The following CSMD1 variants were observed in gnomAD, a reference collection of about 807,000 sequenced individuals.
CSMD1 encodes CUB and sushi domain-containing protein 1.
Under a neutral mutation model 417.5 loss-of-function variants are expected in CSMD1, and 213 were observed. The observed-to-expected ratio is 0.51, with a 90% confidence interval of 0.46 to 0.57. The LOEUF is 0.57. CSMD1 is among the 20% of genes least tolerant of loss of function. The probability of loss-of-function intolerance (pLI) is 0.00; values close to 1 mark genes in which losing one functional copy is unlikely to be tolerated. For missense variants in CSMD1, 6,923 were observed against 4,529.7 expected, an observed-to-expected ratio of 1.53 and a Z score of -15.17; for synonymous variants, 2,862 against 1,736.8, an observed-to-expected ratio of 1.65 and a Z score of -16.11.
chr8:3,417,870 G>A (rs1205482576), intron 12 of CSMD1, among the ~76,000 whole-genome samples: 11 of 152,182 alleles, frequency 7.2e-5, no homozygotes, highest in Admixed American at 5.9e-4. Flanking sequence ...ACGCGGTATG[G>A]ACGTGGCACA....
At chr8:3,921,208 G>C (rs1284553061) in intron 5 of CSMD1, among the ~76,000 whole-genome samples, 1 of 151,958 alleles carries the variant, frequency 6.6e-6, no homozygotes, top group East Asian at 1.9e-4. Context: ...TCCACATTTT[G>C]CGTATATAAT....
intron 5 of CSMD1, among the ~76,000 whole-genome samples, chr8:3,974,134 G>C (rs898248865): frequency 8.6e-5 from 13 of 151,910 alleles, no homozygotes; most frequent in African/African-American, 3.1e-4. Flanking sequence ...AGGTAGTTTT[G>C]TGTGTGTGTG....
chr8:4,120,176 T>C (rs981820580), intron 3 of CSMD1, among the ~76,000 whole-genome samples: 1 of 152,156 alleles, frequency 6.6e-6, no homozygotes, highest in Non-Finnish European at 1.5e-5. Flanking sequence ...CCCATAAATA[T>C]ATACACCTAT....
chr8:4,486,860 G>C (rs188462327), intron 2 of CSMD1, among the ~76,000 whole-genome samples: 30 of 152,200 alleles, frequency 2.0e-4, no homozygotes, highest in Admixed American at 2.0e-3. Flanking sequence ...TACACATCAA[G>C]CTCACAATGT....
chr8:3,866,633 T>A (rs1431295601), intron 5 of CSMD1, among the ~76,000 whole-genome samples: 1 of 152,150 alleles, frequency 6.6e-6, no homozygotes, highest in Non-Finnish European at 1.5e-5. Context: ...AAAGTCACTA[T>A]TTGGAATGTG....
intron 5 of CSMD1, among the ~76,000 whole-genome samples, chr8:3,865,553 C>A (rs529996817): frequency 2.0e-5 from 3 of 152,028 alleles, no homozygotes; most frequent in African/African-American, 7.2e-5. Flanking sequence ...ACCAAGCAGG[C>A]ACGTACAGTG....
At chr8:3,894,348 G>A (rs115803150) in intron 5 of CSMD1, among the ~76,000 whole-genome samples, 4 of 152,010 alleles carry the variant, frequency 2.6e-5, no homozygotes, top group Admixed American at 1.3e-4. Context: ...TTTCTATCAC[G>A]AGGATTAAAT....
chr8:4,751,381 ACT>A (rs1811314559), intron 1 of CSMD1, among the ~76,000 whole-genome samples: 1 of 147,136 alleles, frequency 6.8e-6, no homozygotes. Flanking sequence ...ACAGAGCAAG[ACT>A]CTGTCTCAGG....
At chr8:3,549,158 A>C (rs1585345566) in intron 10 of CSMD1, among the ~76,000 whole-genome samples, 1 of 152,180 alleles carries the variant, frequency 6.6e-6, no homozygotes, top group Admixed American at 6.5e-5. Flanking sequence ...GGGTGTCTGC[A>C]AACTACAGCT....
chr8:4,959,664 T>C (rs1477987725), intron 1 of CSMD1, among the ~76,000 whole-genome samples: 1 of 152,240 alleles, frequency 6.6e-6, no homozygotes, highest in East Asian at 1.9e-4. Flanking sequence ...GCGTATTATC[T>C]AGCTTGTCTA....
chr8:3,916,376 G>C (rs1012010222), intron 5 of CSMD1, among the ~76,000 whole-genome samples: 8 of 152,008 alleles, frequency 5.3e-5, no homozygotes, highest in African/African-American at 1.7e-4. Context: ...GTACATAGGA[G>C]GTAATTCCAT....
chr8:3,799,163 G>A (rs891041544), intron 5 of CSMD1, among the ~76,000 whole-genome samples: 8 of 151,842 alleles, frequency 5.3e-5, no homozygotes, highest in African/African-American at 1.9e-4. Context: ...GTTTTATAAT[G>A]TATTTATTTG....
At chr8:3,530,639 A>C (rs985646408) in intron 10 of CSMD1, among the ~76,000 whole-genome samples, 2 of 152,146 alleles carry the variant, frequency 1.3e-5, no homozygotes, top group Non-Finnish European at 2.9e-5. Context: ...CTCCTGCCTC[A>C]GCTTCTCAAG....
At chr8:4,698,280 T>A (rs1394985619) in intron 1 of CSMD1, among the ~76,000 whole-genome samples, 1 of 152,146 alleles carries the variant, frequency 6.6e-6, no homozygotes, top group Non-Finnish European at 1.5e-5. Flanking sequence ...TCGAATGCTG[T>A]ATAAAGGCTC....
At chr8:4,260,918 T>C (rs1174197864) in intron 3 of CSMD1, among the ~76,000 whole-genome samples, 1 of 152,216 alleles carries the variant, frequency 6.6e-6, no homozygotes, top group African/African-American at 2.4e-5. Flanking sequence ...ACGGTTATTT[T>C]AGTTAGTATT....
intron 1 of CSMD1, among the ~76,000 whole-genome samples, chr8:4,846,926 A>G (rs1236224986): frequency 6.6e-6 from 1 of 152,222 alleles, no homozygotes; most frequent in African/African-American, 2.4e-5. Context: ...TGCTTCTAAA[A>G]CAGGCTATTC....
intron 5 of CSMD1, among the ~76,000 whole-genome samples, chr8:3,923,681 G>A (rs1809440887): frequency 6.6e-6 from 1 of 151,970 alleles, no homozygotes; most frequent in Non-Finnish European, 1.5e-5. Flanking sequence ...CTTTTTATCT[G>A]TAGTCACCAT....
At chr8:3,400,016 A>G (rs1217911124) in intron 15 of CSMD1, among the ~76,000 whole-genome samples, 3 of 152,204 alleles carry the variant, frequency 2.0e-5, no homozygotes, top group South Asian at 2.1e-4. Flanking sequence ...GCAACATATT[A>G]TTTGTGAGTG....
chr8:3,589,472 T>A (rs950286220), intron 8 of CSMD1, among the ~76,000 whole-genome samples: 18 of 152,224 alleles, frequency 1.2e-4, no homozygotes, highest in African/African-American at 4.3e-4. Context: ...TCTTGCCATT[T>A]GTGACAACAC....
Sources: gnomAD v4.1 joint callset for allele counts (sites outside exome capture counted in the v4.1 genomes callset) on GRCh38, gnomAD v4.1.1 for gene constraint, MANE v1.5 for transcripts, NCBI Gene and HGNC (gene_info 2026-07-23, HGNC 2026-07-21) for gene names.